WDFY2: variants seen among roughly 807,000 people sequenced by gnomAD.
The protein encoded by WDFY2 is WD repeat and FYVE domain containing 2, also known as WD repeat and FYVE domain-containing protein 2.
A neutral mutation model predicts 56.4 loss-of-function variants in WDFY2; 36 were observed. The observed-to-expected ratio is 0.64, with a 90% CI of 0.49 to 0.84. The LOEUF is 0.84. WDFY2 is among the 40% of genes least tolerant of loss of function. The pLI, the probability that WDFY2 is intolerant of heterozygous loss-of-function variation, is 0.00. For synonymous variants in WDFY2, 176 were observed against 183.7 expected, an observed-to-expected ratio of 0.96 and a Z score of 0.34; for missense variants, 444 against 512.2, an observed-to-expected ratio of 0.87 and a Z score of 1.29.
At position 51,765,044 on chromosome 13, in the gene WDFY2, G is replaced by A. The variant is rs1001470320; in HGVS notation, c.*5275G>A. 2.0e-5 allele frequency: 3 copies of A among 152,240 alleles called. No homozygotes were observed. Among genetic ancestry groups the A allele is most frequent in the Admixed American group, 2.0e-4 (3 of 15,286 alleles). The allele number at this position is 152,240 out of a possible 1,614,324, so 9.4% of individuals were successfully genotyped here. A position where few individuals can be genotyped will look rare whatever the true frequency, so the allele number is the denominator to read the frequency against. Reference sequence around the variant, plus strand: ...AGATGATTCCAGTACAATGTGGGAGGTCCTCCTTACAGGGGCACTTGCAAC... The same window carrying A: ...AGATGATTCCAGTACAATGTGGGAGATCCTCCTTACAGGGGCACTTGCAAC... On this transcript the variant is annotated 3_prime_UTR_variant, in exon 12 of 12. Coordinates refer to ENST00000298125, the MANE Select transcript of WDFY2 (RefSeq NM_052950.4).
intron 1 of WDFY2, among the ~76,000 whole-genome samples, chr13:51,639,440 A>C (rs1021416996): frequency 6.6e-6 from 1 of 152,224 alleles, no homozygotes; most frequent in Non-Finnish European, 1.5e-5. Flanking sequence ...CTTTATTCCA[A>C]GCAAAATTGT....
chr13:51,750,196 AG>A (rs1953197625), intron 7 of WDFY2, among the ~76,000 whole-genome samples: 2 of 152,218 alleles, frequency 1.3e-5, no homozygotes, highest in Non-Finnish European at 2.9e-5. Flanking sequence ...AAAATATTAG[AG>A]GTTTGATGTT....
chr13:51,754,304 A>T (rs1169619435), intron 8 of WDFY2, among the ~76,000 whole-genome samples: 1 of 152,112 alleles, frequency 6.6e-6, no homozygotes, highest in African/African-American at 2.4e-5. Context: ...GGTACCACAC[A>T]CAGTGCCCAG....
At chr13:51,616,579 A>G (rs1954618750) in intron 1 of WDFY2, among the ~76,000 whole-genome samples, 1 of 152,210 alleles carries the variant, frequency 6.6e-6, no homozygotes, top group South Asian at 2.1e-4. Context: ...CTGAGGCTCT[A>G]CCAACTTGAG....
At chr13:51,756,513 C>T in intron 10 of WDFY2, 51 bp downstream of exon 10, 1 of 1,584,080 alleles carries the variant, frequency 6.3e-7, no homozygotes, top group Non-Finnish European at 8.6e-7. Flanking sequence ...AGAATTTAAT[C>T]TGAGCCTTGC....
At chr13:51,652,870 A>G (rs1474297135) in intron 1 of WDFY2, among the ~76,000 whole-genome samples, 1 of 152,026 alleles carries the variant, frequency 6.6e-6, no homozygotes, top group African/African-American at 2.4e-5. Context: ...GGTGAATCTG[A>G]TAATTATGTG....
intron 2 of WDFY2, among the ~76,000 whole-genome samples, chr13:51,666,961 A>T (rs1955714816): frequency 6.6e-6 from 1 of 152,120 alleles, no homozygotes; most frequent in Non-Finnish European, 1.5e-5. Context: ...TGTAGGTTAG[A>T]CCTTGTGCCT....
At position 51,597,169 on chromosome 13, in the gene WDFY2, C is replaced by T. The variant is rs116744508; in HGVS notation, c.137+12345C>T. Among the ~76,000 whole-genome samples the T allele has an allele frequency of 9.3e-3, 1,422 of 152,232 alleles. 16 individuals carry two copies. Among genetic ancestry groups the T allele is most frequent in the African/African-American group, 0.031 (1,296 of 41,510 alleles). On this transcript the variant is annotated intron_variant, in intron 1 of 11. Transcript: ENST00000298125. ...AATTAGTGGAAGTATAGATCATTGT[C>T]AGAATTGAACCCAGAAGAACTGTAT...
chr13:51,697,206 T>G (rs1951894253), intron 3 of WDFY2, among the ~76,000 whole-genome samples: 1 of 152,164 alleles, frequency 6.6e-6, no homozygotes, highest in South Asian at 2.1e-4. Context: ...TATTCAGAGC[T>G]TTAGAAATAT....
intron 4 of WDFY2, among the ~76,000 whole-genome samples, chr13:51,708,699 T>C (rs770547213): frequency 6.6e-6 from 1 of 151,844 alleles, no homozygotes; most frequent in Admixed American, 6.6e-5. Context: ...AAATAAATGA[T>C]CTAAAGGCAA....
At chr13:51,670,128 A>G (rs1955781031) in intron 2 of WDFY2, among the ~76,000 whole-genome samples, 1 of 152,112 alleles carries the variant, frequency 6.6e-6, no homozygotes, top group Admixed American at 6.6e-5. Flanking sequence ...CCATTGGGTC[A>G]TAGTTACTTT....
intron 3 of WDFY2, among the ~76,000 whole-genome samples, chr13:51,689,583 G>A (rs556975126): frequency 1.3e-5 from 2 of 152,144 alleles, no homozygotes; most frequent in African/African-American, 2.4e-5. Flanking sequence ...TATGGAGTTC[G>A]GAGCCTAAGT....
intron 1 of WDFY2, among the ~76,000 whole-genome samples, chr13:51,639,787 T>C (rs1955121703): frequency 6.6e-6 from 1 of 152,196 alleles, no homozygotes; most frequent in Admixed American, 6.5e-5. Flanking sequence ...TCTAATGAAA[T>C]ACATTTAAGC....
At chr13:51,646,851 T>C (rs531403198) in intron 1 of WDFY2, among the ~76,000 whole-genome samples, 1 of 152,286 alleles carries the variant, frequency 6.6e-6, no homozygotes, top group South Asian at 2.1e-4. Flanking sequence ...GAACCTGGTG[T>C]GGTGCTTTGC....
At chr13:51,586,864 C>T (rs1784446223) in intron 1 of WDFY2, 1 of 151,952 alleles carries the variant, frequency 6.6e-6, no homozygotes, top group Admixed American at 6.6e-5. Flanking sequence ...GTTGACAAGT[C>T]TGTGCTTCTT....
intron 6 of WDFY2, among the ~76,000 whole-genome samples, chr13:51,729,379 C>A (rs1399914181): frequency 1.3e-5 from 2 of 151,552 alleles, no homozygotes; most frequent in African/African-American, 4.9e-5. Context: ...CATTCCTTGC[C>A]TCTTCCTTCA....
chr13:51,727,772 A>G lies in WDFY2; in HGVS notation c.580A>G (p.Thr194Ala), dbSNP rs766399081. 5.6e-6 allele frequency: 9 copies of G among 1,614,218 alleles called. No homozygotes were observed. The highest frequency in any genetic ancestry group is 7.6e-6 in the Non-Finnish European group (9 of 1,180,038). Residue 194 changes from threonine to alanine, a missense_variant, in exon 6 of 12, where the codon ACA (threonine) becomes GCA (alanine). Physicochemically the swap from Thr to Ala is moderately conservative, Grantham distance 58. Transcript: ENST00000298125. ...GCAAGAAAACTGCACCCTGGTCACA[A>G]CATTCAGAGGACACACAGGTAGGAT... ...LEQENCTLVTTFRGHTGGVTA... is the reference protein window; with the variant it reads ...LEQENCTLVTAFRGHTGGVTA...
Position 51,632,618 on chromosome 13 carries a change from G to A in WDFY2, c.138-27978G>A, listed in dbSNP as rs1954973901. 2.0e-5 allele frequency among the ~76,000 whole-genome samples: 3 copies of A among 152,054 alleles called. No homozygotes were observed. The South Asian group carries it at 6.2e-4, about 32-fold the overall frequency. On this transcript the variant is annotated intron_variant, in intron 1 of 11. Transcript: ENST00000298125. ...CCCATTTTGCTTTTTACTTTCATTT[G>A]CTATGTCCTATTGCTCCTTTTTCAT...
chr13:51,731,581 A>G (rs1409801267), intron 6 of WDFY2, among the ~76,000 whole-genome samples: 1 of 152,236 alleles, frequency 6.6e-6, no homozygotes, highest in Non-Finnish European at 1.5e-5. Context: ...TAATGTGGCT[A>G]CAACACAACT....
Sources: gnomAD v4.1 joint callset for allele counts (sites outside exome capture counted in the v4.1 genomes callset) on GRCh38, gnomAD v4.1.1 for gene constraint, MANE v1.5 for transcripts, NCBI Gene and HGNC (gene_info 2026-07-23, HGNC 2026-07-21) for gene names.